Variants in CCDC102B observed in about 807,000 individuals in gnomAD.
CCDC102B encodes the protein coiled-coil domain containing 102B.
A neutral mutation model predicts 57.4 loss-of-function variants in CCDC102B; 75 were observed. The ratio of observed to expected loss-of-function variants is 1.31; its 90% CI spans 1.08 to 1.58. The LOEUF (loss-of-function observed/expected upper bound fraction) is 1.58, where lower values mean the gene tolerates loss of function less well. CCDC102B is among the 40% of genes most tolerant of loss of function. The pLI is 0.00. For missense variants in CCDC102B, 636 were observed against 582.6 expected, an observed-to-expected ratio of 1.09 and a Z score of -0.94; for synonymous variants, 206 against 201.9, an observed-to-expected ratio of 1.02 and a Z score of -0.17.
intron 1 of CCDC102B, among the ~76,000 whole-genome samples, chr18:68,800,591 A>G (rs560774143): frequency 9.9e-5 from 15 of 152,196 alleles, no homozygotes; most frequent in African/African-American, 3.6e-4. Flanking sequence ...GTCATCACTG[A>G]TTTGCACTGA....
intron 7 of CCDC102B, among the ~76,000 whole-genome samples, chr18:69,037,028 TACAC>T (rs3059238): frequency 0.041 from 6,096 of 149,510 alleles, 155 homozygotes; most frequent in African/African-American, 0.063. Flanking sequence ...GGTGTATATA[TACAC>T]ACACACACAC....
intron 2 of CCDC102B, among the ~76,000 whole-genome samples, chr18:68,749,033 A>G (rs2033740870): frequency 6.6e-6 from 1 of 152,168 alleles, no homozygotes; most frequent in Admixed American, 6.5e-5. Flanking sequence ...TAAATAGGGA[A>G]TCTTTTCCCC....
chr18:68,886,669 C>G (rs983486071), intron 5 of CCDC102B, among the ~76,000 whole-genome samples: 4 of 152,016 alleles, frequency 2.6e-5, no homozygotes, highest in African/African-American at 9.7e-5. Context: ...TTCATTAAAT[C>G]TTGTCACTGA....
At chr18:68,878,035 A>G (rs1391931962) in intron 5 of CCDC102B, among the ~76,000 whole-genome samples, 1 of 152,238 alleles carries the variant, frequency 6.6e-6, no homozygotes, top group Admixed American at 6.5e-5. Flanking sequence ...CAAAATAAGA[A>G]TGGAGGAAGG....
At chr18:69,038,109 T>G (rs2052343029) in intron 7 of CCDC102B, among the ~76,000 whole-genome samples, 1 of 151,944 alleles carries the variant, frequency 6.6e-6, no homozygotes, top group South Asian at 2.1e-4. Flanking sequence ...GGTATTTTTG[T>G]TTTTATTTTT....
intron 3 of CCDC102B, among the ~76,000 whole-genome samples, chr18:68,845,863 C>G (rs929293420): frequency 2.0e-5 from 3 of 151,628 alleles, no homozygotes; most frequent in African/African-American, 7.3e-5. Context: ...CAGTAAATGA[C>G]TATTTTTTAA....
chr18:68,819,911 T>C (rs1196987659), intron 1 of CCDC102B, among the ~76,000 whole-genome samples: 1 of 152,086 alleles, frequency 6.6e-6, no homozygotes, highest in Non-Finnish European at 1.5e-5. Flanking sequence ...ATACACATAA[T>C]TGTGTATATT....
At chr18:68,721,637 A>G (rs189983955) in intron 2 of CCDC102B, 1 of 152,336 alleles carries the variant, frequency 6.6e-6, no homozygotes, top group East Asian at 1.9e-4. Context: ...ATGAAAATAT[A>G]CTATTGATAC....
intron 7 of CCDC102B, among the ~76,000 whole-genome samples, chr18:69,031,687 A>T (rs1365518150): frequency 1.3e-5 from 2 of 151,958 alleles, no homozygotes; most frequent in African/African-American, 4.8e-5. Context: ...GCTATTTCTT[A>T]TGTTCTATGA....
intron 6 of CCDC102B, among the ~76,000 whole-genome samples, chr18:68,929,466 G>A (rs1478284392): frequency 6.6e-6 from 1 of 151,948 alleles, no homozygotes; most frequent in Non-Finnish European, 1.5e-5. Flanking sequence ...GGCTTTTATG[G>A]CAGCCCCTGC....
chr18:68,759,991 A>G (rs1179586314), intron 2 of CCDC102B, among the ~76,000 whole-genome samples: 1 of 151,842 alleles, frequency 6.6e-6, no homozygotes, highest in Non-Finnish European at 1.5e-5. Context: ...CAGTTATCTC[A>G]CCCCAACTTG....
intron 7 of CCDC102B, among the ~76,000 whole-genome samples, chr18:69,043,391 C>CAAGACCCA (rs1208356247): frequency 6.6e-6 from 1 of 152,094 alleles, no homozygotes; most frequent in Non-Finnish European, 1.5e-5. Flanking sequence ...CTCCTCAGCA[C>CAAGACCCA]AGACCCTTTA....
chr18:68,890,206 A>G (rs1202743980), intron 5 of CCDC102B, among the ~76,000 whole-genome samples: 2 of 151,700 alleles, frequency 1.3e-5, no homozygotes, highest in Non-Finnish European at 2.9e-5. Flanking sequence ...TAATGCACGG[A>G]TATTGAATGA....
intron 7 of CCDC102B, among the ~76,000 whole-genome samples, chr18:69,016,054 G>A (rs1599852022): frequency 1.3e-5 from 2 of 150,112 alleles, no homozygotes; most frequent in Admixed American, 6.6e-5. Flanking sequence ...TAGTAGAGAC[G>A]GGGTTTCAAC....
chr18:68,891,695 T>A (rs1448847274), intron 5 of CCDC102B, among the ~76,000 whole-genome samples: 1 of 152,220 alleles, frequency 6.6e-6, no homozygotes. Flanking sequence ...GCCTTCTCAC[T>A]TGTGTCATTA....
chr18:68,794,795 A>G (rs1371631085), upstream of CCDC102B, among the ~76,000 whole-genome samples: 1 of 152,104 alleles, frequency 6.6e-6, no homozygotes, highest in Non-Finnish European at 1.5e-5. Context: ...GATGGAGACC[A>G]TAGATAACTT....
chr18:68,948,601 G>T (rs893622418), intron 6 of CCDC102B, among the ~76,000 whole-genome samples: 4 of 150,086 alleles, frequency 2.7e-5, no homozygotes, highest in Non-Finnish European at 5.9e-5. Context: ...ACCAATGATG[G>T]ATCTCTGGTC....
chr18:68,987,003 C>A lies in CCDC102B; in HGVS notation c.1264-23931C>A, dbSNP rs900925491. ...ATTAAAATGACCATACTGCACAAAGCAATTTACAGATTCACAGTTATTTGT... is the reference window on the plus strand; with the variant it reads ...ATTAAAATGACCATACTGCACAAAGAAATTTACAGATTCACAGTTATTTGT... On this transcript the variant is annotated intron_variant, in intron 6 of 7. Transcript: ENST00000360242. Among the ~76,000 whole-genome samples, 9 of 152,100 alleles carry A rather than the reference C, an allele frequency of 5.9e-5. No individual in the cohort carries two copies. In the East Asian group the frequency reaches 1.5e-3, roughly 26 times the overall value.
At chr18:68,907,765 C>T (rs982984893) in intron 6 of CCDC102B, among the ~76,000 whole-genome samples, 1 of 152,116 alleles carries the variant, frequency 6.6e-6, no homozygotes, top group Non-Finnish European at 1.5e-5. Flanking sequence ...TTGCAATTTG[C>T]ATGTCTTTTA....
Sources: gnomAD v4.1 joint callset for allele counts (sites outside exome capture counted in the v4.1 genomes callset) on GRCh38, gnomAD v4.1.1 for gene constraint, MANE v1.5 for transcripts, NCBI Gene and HGNC (gene_info 2026-07-23, HGNC 2026-07-21) for gene names.